Variants in LIPA observed in about 807,000 individuals in gnomAD.
The protein encoded by LIPA is lipase A, lysosomal acid type, also known as lysosomal acid lipase/cholesteryl ester hydrolase.
Under a neutral mutation model 40.6 loss-of-function variants are expected in LIPA, and 26 were observed. The observed-to-expected ratio is 0.64, with a 90% CI of 0.47 to 0.89. LIPA has a LOEUF of 0.89. Ranked by LOEUF, LIPA falls within the 40% of genes least tolerant of loss-of-function variation. The pLI is 0.00. For synonymous variants in LIPA, 188 were observed against 168.4 expected (o/e 1.12, Z -0.90); for missense variants, 455 against 479.6 (o/e 0.95, Z 0.48).
intron 2 of LIPA, among the ~76,000 whole-genome samples, chr10:89,369,203 C>A (rs1325130782): frequency 6.6e-6 from 1 of 152,188 alleles, no homozygotes; most frequent in East Asian, 1.9e-4. Context: ...GAAGCATTCA[C>A]TCCAAGCTCA....
intron 1 of LIPA, among the ~76,000 whole-genome samples, chr10:89,301,311 G>A (rs573723905): frequency 1.3e-5 from 2 of 152,348 alleles, no homozygotes; most frequent in Admixed American, 6.5e-5. Context: ...TTGTTTTGCA[G>A]GGACTGGAGA....
chr10:89,295,744 A>G (rs1843409601), intron 1 of LIPA, among the ~76,000 whole-genome samples: 1 of 152,238 alleles, frequency 6.6e-6, no homozygotes, highest in African/African-American at 2.4e-5. Flanking sequence ...GGAAAAAGAC[A>G]CATATATATT....
chr10:89,290,131 C>T (rs1843365470), intron 1 of LIPA, among the ~76,000 whole-genome samples: 1 of 152,166 alleles, frequency 6.6e-6, no homozygotes, highest in Admixed American at 6.5e-5. Context: ...CAAGTAATTA[C>T]ACTAAACCCT....
intron 1 of LIPA, among the ~76,000 whole-genome samples, chr10:89,269,427 T>C (rs1413073357): frequency 6.6e-6 from 1 of 152,202 alleles, no homozygotes; most frequent in African/African-American, 2.4e-5. Flanking sequence ...GAAACAAAAC[T>C]TTTAGGTCTA....
intron 3 of LIPA, among the ~76,000 whole-genome samples, chr10:89,243,522 T>C (rs528874786): frequency 6.6e-6 from 1 of 152,024 alleles, no homozygotes; most frequent in East Asian, 1.9e-4. Flanking sequence ...ACCTAGACTC[T>C]CCACTCTCCC....
chr10:89,266,029 C>T lies in LIPA; in HGVS notation c.-1-18380G>A, dbSNP rs192772667. ...CGTCCCTAAGAAAGAACCTCCCAGC[C>T]CCCTTCAGCTGTGATGTATGTTTTC... is the stretch of plus-strand genomic sequence containing the variant. On this transcript the variant is annotated intron_variant, in intron 1 of 5. Transcript: ENST00000282673. Among the ~76,000 whole-genome samples the T allele has an allele frequency of 3.0e-3, 464 of 152,318 alleles. 3 individuals carry two copies. The highest frequency in any genetic ancestry group is 0.011 in the African/African-American group (442 of 41,558).
intron 2 of LIPA, among the ~76,000 whole-genome samples, chr10:89,246,403 A>G (rs1843025667): frequency 6.6e-6 from 1 of 152,222 alleles, no homozygotes; most frequent in Non-Finnish European, 1.5e-5. Context: ...TTTAATGTAA[A>G]TAAGTGCACA....
intron 2 of LIPA, chr10:89,412,639 AC>A (rs1288352572): frequency 3.2e-6 from 1 of 307,738 alleles, no homozygotes; most frequent in East Asian, 1.2e-4. Flanking sequence ...AACACTCACC[AC>A]AAAGGTCTAC....
chr10:89,356,553 C>G (rs1438984057), intron 2 of LIPA, among the ~76,000 whole-genome samples: 1 of 152,142 alleles, frequency 6.6e-6, no homozygotes, highest in Non-Finnish European at 1.5e-5. Context: ...AACTCTGCAT[C>G]CGATGAACCT....
intron 1 of LIPA, among the ~76,000 whole-genome samples, chr10:89,334,723 C>A (rs1345440366): frequency 1.3e-5 from 2 of 151,346 alleles, no homozygotes; most frequent in Non-Finnish European, 2.9e-5. Flanking sequence ...GAACTCTTGA[C>A]CTCATGATCC....
chr10:89,413,099 A>G (rs758738239), intron 1 of LIPA, among the ~76,000 whole-genome samples: 2 of 152,210 alleles, frequency 1.3e-5, no homozygotes, highest in Non-Finnish European at 2.9e-5. Flanking sequence ...AAGTGAGAAC[A>G]TGCAGTGTTT....
intron 1 of LIPA, chr10:89,340,004 C>A: frequency 6.2e-7 from 1 of 1,614,180 alleles, no homozygotes; most frequent in East Asian, 2.2e-5. Flanking sequence ...AGGGATGCCC[C>A]TTCAGGCATA....
intron 2 of LIPA, among the ~76,000 whole-genome samples, chr10:89,361,854 C>T (rs1392182028): frequency 7.9e-6 from 1 of 127,074 alleles, no homozygotes; most frequent in Admixed American, 7.9e-5. Context: ...AAAAAAAATC[C>T]ACCCCCCACC....
chr10:89,317,486 A>G (rs1400078607), intron 1 of LIPA, among the ~76,000 whole-genome samples: 2 of 152,242 alleles, frequency 1.3e-5, no homozygotes, highest in African/African-American at 4.8e-5. Flanking sequence ...GATCAAATGA[A>G]TGAAATGAAG....
At chr10:89,261,126 G>A (rs966175351) in intron 1 of LIPA, among the ~76,000 whole-genome samples, 2 of 152,216 alleles carry the variant, frequency 1.3e-5, no homozygotes, top group South Asian at 4.1e-4. Flanking sequence ...ACACAGAAAT[G>A]ACTAAGTCCA....
At chr10:89,341,223 G>A (rs1236723449) in intron 1 of LIPA, among the ~76,000 whole-genome samples, 1 of 152,208 alleles carries the variant, frequency 6.6e-6, no homozygotes, top group Non-Finnish European at 1.5e-5. Context: ...TGCTGCTGTA[G>A]ACAGGGTTGC....
chr10:89,282,611 G>A (rs1843321748), intron 1 of LIPA, among the ~76,000 whole-genome samples: 1 of 152,064 alleles, frequency 6.6e-6, no homozygotes, highest in South Asian at 2.1e-4. Flanking sequence ...TTGCACTCCA[G>A]CCTGGGTAAC....
intron 1 of LIPA, among the ~76,000 whole-genome samples, chr10:89,291,320 C>A (rs1040430884): frequency 6.6e-6 from 1 of 152,070 alleles, no homozygotes; most frequent in Non-Finnish European, 1.5e-5. Flanking sequence ...AAATAGTCAA[C>A]GTGATCTACA....
chr10:89,254,945 C>A (rs1207021352), upstream of LIPA, among the ~76,000 whole-genome samples: 2 of 152,178 alleles, frequency 1.3e-5, no homozygotes, highest in Non-Finnish European at 2.9e-5. Flanking sequence ...TCTGAGACCA[C>A]CTCAGCCTGG....
Sources: gnomAD v4.1 joint callset for allele counts (sites outside exome capture counted in the v4.1 genomes callset) on GRCh38, gnomAD v4.1.1 for gene constraint, MANE v1.5 for transcripts, NCBI Gene and HGNC (gene_info 2026-07-23, HGNC 2026-07-21) for gene names.